Variants in TINAG observed in about 807,000 individuals in gnomAD.
The protein encoded by TINAG is tubulointerstitial nephritis antigen.
TINAG carries 83 observed loss-of-function variants against 72.7 expected under a neutral mutation model. The observed-to-expected ratio is 1.14, with a 90% CI of 0.96 to 1.37. The LOEUF (loss-of-function observed/expected upper bound fraction) is 1.37. Ranked by LOEUF, TINAG falls within the 40% of genes most tolerant of loss-of-function variation. TINAG has a pLI of 0.00. For missense variants in TINAG, 685 were observed against 576.6 expected, an observed-to-expected ratio of 1.19 and a Z score of -1.93; for synonymous variants, 234 against 189.9, an observed-to-expected ratio of 1.23 and a Z score of -1.91.
intron 1 of TINAG, 46 bp downstream of exon 1, chr6:54,308,951 CAAG>C (rs1444810669): frequency 7.1e-7 from 1 of 1,416,156 alleles, no homozygotes; most frequent in African/African-American, 1.4e-5. Context: ...TTCATAACAA[CAAG>C]ATCTGACAAA....
At chr6:54,380,995 T>TATA (rs1763930430) in intron 10 of TINAG, among the ~76,000 whole-genome samples, 1 of 143,116 alleles carries the variant, frequency 7.0e-6, no homozygotes, top group East Asian at 2.3e-4. Flanking sequence ...ATATATATAT[T>TATA]TATATGGCAT....
At chr6:54,354,396 C>T in intron 8 of TINAG, 117 bp from the exon 9 acceptor site, 2 of 890,910 alleles carry the variant, frequency 2.2e-6, no homozygotes, top group South Asian at 1.9e-5. Flanking sequence ...TCACACAGCC[C>T]CTTCTTAGAT....
chr6:54,344,066 A>T (rs1462341726), intron 5 of TINAG, among the ~76,000 whole-genome samples: 3 of 152,196 alleles, frequency 2.0e-5, no homozygotes, highest in Non-Finnish European at 4.4e-5. Context: ...AATTAAATGA[A>T]ACCTAACATG....
At chr6:54,343,533 GTT>G (rs3836940) in intron 5 of TINAG, among the ~76,000 whole-genome samples, 184 bp downstream of exon 5, 36 of 147,220 alleles carry the variant, frequency 2.4e-4, no homozygotes, top group African/African-American at 8.2e-4. Flanking sequence ...TAGTCTAAAA[GTT>G]TTTTTTTTTT....
upstream of TINAG, chr6:54,307,929 A>G (rs1294866194): frequency 4.9e-6 from 5 of 1,018,518 alleles, no homozygotes; most frequent in Non-Finnish European, 1.5e-6. Context: ...TTCTTGCTGA[A>G]TTAGGTTCCA....
intron 7 of TINAG, 64 bp from the exon 8 acceptor site, chr6:54,351,288 C>A: frequency 7.1e-7 from 1 of 1,414,158 alleles, no homozygotes; most frequent in Non-Finnish European, 9.9e-7. Context: ...ACATTGTACA[C>A]CAATCAATGG....
chr6:54,312,573 T>C (rs879903694), intron 1 of TINAG, among the ~76,000 whole-genome samples: 5 of 152,160 alleles, frequency 3.3e-5, no homozygotes, highest in South Asian at 2.1e-4. Context: ...GAGATATTTG[T>C]TATGCTTTAA....
chr6:54,324,906 C>T (rs1434641558), intron 3 of TINAG, among the ~76,000 whole-genome samples: 1 of 152,070 alleles, frequency 6.6e-6, no homozygotes, highest in Non-Finnish European at 1.5e-5. Context: ...AAGTATTGTC[C>T]TTAGCATAAA....
At chr6:54,389,687 G>C in intron 10 of TINAG, 104 bp from the exon 11 acceptor site, 1 of 1,367,892 alleles carries the variant, frequency 7.3e-7, no homozygotes, top group South Asian at 1.5e-5. Context: ...TATAGTCTAT[G>C]ATAAATCAAA....
At chr6:54,380,980 GAT>G (rs10639072) in intron 10 of TINAG, among the ~76,000 whole-genome samples, 4 of 142,246 alleles carry the variant, frequency 2.8e-5, no homozygotes, top group South Asian at 2.2e-4. Flanking sequence ...TAACCTATAG[GAT>G]ATATATATAT....
intron 3 of TINAG, among the ~76,000 whole-genome samples, chr6:54,326,595 C>G (rs777899801): frequency 2.6e-4 from 39 of 151,750 alleles, no homozygotes; most frequent in Non-Finnish European, 4.9e-4. Context: ...TGAAATGGAC[C>G]TTATTTAGGA....
At chr6:54,364,772 C>A in intron 9 of TINAG, among the ~76,000 whole-genome samples, 1 of 148,262 alleles carries the variant, frequency 6.7e-6, no homozygotes, top group East Asian at 1.9e-4. Flanking sequence ...ATCTCTATAT[C>A]TATCTATCTA....
chr6:54,308,447 G>T lies in TINAG; in HGVS notation c.-104G>T, dbSNP rs758685148. 9.8e-6 allele frequency: 9 copies of T among 915,236 alleles called. No individual in the cohort carries two copies. Among genetic ancestry groups the T allele is most frequent in the Non-Finnish European group, 1.5e-5 (9 of 610,334 alleles). 56.7% of individuals were successfully genotyped at this position (915,236 alleles called of 1,614,324 possible). ...GTAAAGGATCAGTTTCAGGGTTCAGGCTGAAGTGTCTTAATGACTAGAATT... is the reference window on the plus strand; with the variant it reads ...GTAAAGGATCAGTTTCAGGGTTCAGTCTGAAGTGTCTTAATGACTAGAATT... On this transcript the variant is annotated 5_prime_UTR_variant, in exon 1 of 11. Transcript: ENST00000259782.
chr6:54,334,178 A>T (rs895467286), intron 4 of TINAG, among the ~76,000 whole-genome samples: 1 of 152,188 alleles, frequency 6.6e-6, no homozygotes, highest in Non-Finnish European at 1.5e-5. Context: ...CAGTTGAGAT[A>T]TTGATTGTAT....
intron 4 of TINAG, among the ~76,000 whole-genome samples, chr6:54,330,219 A>C (rs1784705341): frequency 6.6e-6 from 1 of 152,112 alleles, no homozygotes; most frequent in African/African-American, 2.4e-5. Flanking sequence ...ACATAACTGG[A>C]AGTAAAACAC....
chr6:54,310,059 T>A (rs1405702349), intron 1 of TINAG, among the ~76,000 whole-genome samples: 1 of 147,720 alleles, frequency 6.8e-6, no homozygotes, highest in East Asian at 2.0e-4. Context: ...CCTTTCTTTT[T>A]TCCTTCCTTT....
intron 6 of TINAG, among the ~76,000 whole-genome samples, chr6:54,348,776 A>G (rs1055702785): frequency 1.6e-4 from 24 of 152,028 alleles, no homozygotes; most frequent in African/African-American, 5.8e-4. Flanking sequence ...AGTCCACAGC[A>G]CTCATCATTT....
intron 9 of TINAG, among the ~76,000 whole-genome samples, chr6:54,363,455 C>CATGATGTG (rs1336963313): frequency 6.6e-6 from 1 of 151,104 alleles, no homozygotes; most frequent in Non-Finnish European, 1.5e-5. Context: ...AGCTGTAAGA[C>CATGATGTG]ATGATGTGAG....
intron 9 of TINAG, among the ~76,000 whole-genome samples, chr6:54,363,850 G>A (rs1020615211): frequency 4.6e-5 from 7 of 151,496 alleles, no homozygotes; most frequent in African/African-American, 1.7e-4. Flanking sequence ...GGGTTTCTTA[G>A]AAAGCTGGAA....
Sources: gnomAD v4.1 joint callset for allele counts (sites outside exome capture counted in the v4.1 genomes callset) on GRCh38, gnomAD v4.1.1 for gene constraint, MANE v1.5 for transcripts, NCBI Gene and HGNC (gene_info 2026-07-23, HGNC 2026-07-21) for gene names.